The following ZNF808 variants were observed in gnomAD, a reference collection of about 807,000 sequenced individuals.
The protein encoded by ZNF808 is zinc finger protein 808.
A neutral mutation model predicts 8.7 loss-of-function variants in ZNF808; 5 were observed. The observed-to-expected ratio is 0.58, with a 90% CI of 0.30 to 1.21. The LOEUF (loss-of-function observed/expected upper bound fraction) is 1.21. Among genes scored for constraint, ZNF808 ranks in the 50% most tolerant of loss-of-function variants. The probability of loss-of-function intolerance (pLI) is 0.07; values close to 1 mark genes in which losing one functional copy is unlikely to be tolerated. For missense variants in ZNF808, 1,103 were observed against 1,098.4 expected, an observed-to-expected ratio of 1.00 and a Z score of -0.06; for synonymous variants, 380 against 366.0, an observed-to-expected ratio of 1.04 and a Z score of -0.44.
chr19:52,553,368 C>G lies in ZNF808; in HGVS notation c.452C>G (p.Pro151Arg), dbSNP rs891901668. 6.2e-7 allele frequency: 1 copy of G among 1,614,152 alleles called. No homozygotes were observed. Residue 151 changes from proline (P) to arginine (R), a missense_variant, in exon 5 of 5, where the codon CCT becomes CGT. By Grantham distance (103) the Pro-to-Arg change is moderately radical (BLOSUM62 -2). Transcript: ENST00000359798. ...GATCACAGGCATGCTGGAAACAAGC[C>G]TATTAAAGATCAGCTTGGATCAAGC... ...QHDHRHAGNK[P>R]IKDQLGSSFY...
chr19:52,553,922 A>G lies in ZNF808; in HGVS notation c.1006A>G (p.Ile336Val), dbSNP rs375999372. 79 of 1,613,936 alleles carry G rather than the reference A, an allele frequency of 4.9e-5. No homozygotes were observed. Among genetic ancestry groups the G allele is most frequent in the Non-Finnish European group, 6.4e-5 (76 of 1,180,004 alleles). Residue 336 changes from isoleucine (I) to valine (V), a missense_variant, in exon 5 of 5, where the codon ATT becomes GTT. Coordinates refer to ENST00000359798, the MANE Select transcript of ZNF808 (RefSeq NM_001039886.4). ...TTCAGCCCTTGTAATTCATAAGGCA[A>G]TTCATACTGGAGAGAAACCTTACAA... ...QNSALVIHKA[I>V]HTGEKPYKCN...
rs2059798713 is a variant in ZNF808, at chr19:52,553,484, G to C, written c.568G>C (p.Val190Leu). 3 of 1,614,088 alleles carry C rather than the reference G, an allele frequency of 1.9e-6. No homozygotes were observed. The highest frequency in any genetic ancestry group is 2.2e-5 in the South Asian group (2 of 91,084). ...LEKSTSDASS[V>L]STSQRISCRP... The stretch of plus-strand genomic sequence containing the variant: ...GAAGTCTACCAGTGATGCTTCCTCA[G>C]TTTCAACATCCCAAAGAATTTCCTG... The change falls in exon 5 of 5, where the codon GTT becomes CTT. Residue 190 changes from valine (V) to leucine (L), a missense_variant. Val to Leu is a conservative substitution (Grantham distance 32). Transcript: ENST00000359798.
At chr19:52,534,879 ACT>A (rs1175989235) in intron 2 of ZNF808, among the ~76,000 whole-genome samples, 4 of 152,240 alleles carry the variant, frequency 2.6e-5, no homozygotes, top group South Asian at 4.1e-4. Context: ...ACAGAGAAAT[ACT>A]CTGTCTCAAA....
exon 4 of ZNF808, chr19:52,564,372 G>C (rs1022893478): frequency 2.3e-5 from 11 of 476,752 alleles, no homozygotes; most frequent in Non-Finnish European, 4.1e-5. Context: ...AATCTGTTAT[G>C]AACGCATTGG....
At chr19:52,564,133 A>T (rs2059866658) in exon 4 of ZNF808, 6 of 693,568 alleles carry the variant, frequency 8.7e-6, no homozygotes, top group Non-Finnish European at 1.6e-5. Context: ...CCAAAAGTAA[A>T]ATCGTCCGAT....
rs533597385 is a variant in ZNF808 at position 52,554,420 on chromosome 19, C to T, written c.1504C>T (p.Arg502Cys). The T allele has an allele frequency of 2.5e-5, 41 of 1,613,962 alleles. No homozygotes were observed. Among genetic ancestry groups the T allele is most frequent in the South Asian group, 2.0e-4 (18 of 91,078 alleles). Reference sequence around the variant, plus strand: ...CCGCAGGTCATCCCTTCTATGCCATCGTAGACTTCATAGTGGTGAAAAACC... The same window carrying T: ...CCGCAGGTCATCCCTTCTATGCCATTGTAGACTTCATAGTGGTGAAAAACC... ...FSRRSSLLCH[R>C]RLHSGEKPYK... Residue 502 changes from arginine (R) to cysteine (C), a missense_variant, in exon 5 of 5, where the codon CGT becomes TGT. Physicochemically the swap from Arg to Cys is radical, Grantham distance 180. Transcript: ENST00000359798.
At chr19:52,548,428 T>G (rs2123161882) in intron 4 of ZNF808, among the ~76,000 whole-genome samples, 1 of 152,208 alleles carries the variant, frequency 6.6e-6, no homozygotes, top group South Asian at 2.1e-4. Context: ...ATTTCTATGT[T>G]GTTGTTGTTT....
Position 52,553,904 on chromosome 19 carries a change from CT to C in ZNF808, c.990del (p.Val331Ter). On this transcript the variant is annotated frameshift_variant, in exon 5 of 5. Transcript: ENST00000359798. LOFTEE classifies it low-confidence loss of function (END_TRUNC). ...CGKVFRQNSA[L>X]VIHKAIHTGE... ...CAAGGTCTTTCGTCAAAATTCAGCC[CT>C]TGTAATTCATAAGGCAATTCATACT... is the stretch of plus-strand genomic sequence containing the variant. The C allele has an allele frequency of 6.2e-7, 1 of 1,614,102 alleles. No homozygotes were observed. The highest frequency in any genetic ancestry group is 8.5e-7 in the Non-Finnish European group (1 of 1,180,028).
chr19:52,543,705 A>G (rs1246421179), intron 3 of ZNF808, among the ~76,000 whole-genome samples: 7 of 152,230 alleles, frequency 4.6e-5, no homozygotes, highest in East Asian at 3.8e-4. Flanking sequence ...CAGAGAAACT[A>G]CATATGAAAT....
chr19:52,531,949 T>C (rs1333576778), intron 1 of ZNF808, among the ~76,000 whole-genome samples: 2 of 152,220 alleles, frequency 1.3e-5, no homozygotes, highest in African/African-American at 4.8e-5. Context: ...TGTATTTCAG[T>C]CTTATAGTGT....
At chr19:52,561,746 C>T (rs554377834) in intron 3 of ZNF808, among the ~76,000 whole-genome samples, 2 of 152,138 alleles carry the variant, frequency 1.3e-5, no homozygotes, top group Admixed American at 6.5e-5. Context: ...GGTGTTTTTC[C>T]ATGTTAGTCA....
At position 52,555,067 on chromosome 19, in the gene ZNF808, T is replaced by G. The variant is rs1410280089; in HGVS notation, c.2151T>G (p.Ser717Arg). The G allele has an allele frequency of 1.2e-6, 2 of 1,614,108 alleles. No individual in the cohort carries two copies. The highest frequency in any genetic ancestry group is 2.2e-5 in the South Asian group (2 of 91,082). Residue 717 changes from serine to arginine, a missense_variant, in exon 5 of 5, where the codon AGT becomes AGG. Ser to Arg is a moderately radical substitution (Grantham distance 110, BLOSUM62 -1). Coordinates refer to ENST00000359798, the MANE Select transcript of ZNF808 (RefSeq NM_001039886.4). ...GTAATGAGTGCAGCAAGACCTTCAG[T>G]AACAGGTCATCCCTTGTATGCCATC... ...YKCNECSKTF[S>R]NRSSLVCHRR...
intron 4 of ZNF808, among the ~76,000 whole-genome samples, chr19:52,550,175 C>T (rs1186172927): frequency 5.9e-5 from 9 of 151,996 alleles, no homozygotes; most frequent in African/African-American, 1.9e-4. Context: ...TCCATGAACA[C>T]TGTGGGCCTC....
chr19:52,549,809 G>A (rs1346381187), intron 4 of ZNF808, among the ~76,000 whole-genome samples: 1 of 151,822 alleles, frequency 6.6e-6, no homozygotes, highest in African/African-American at 2.4e-5. Flanking sequence ...CAATTTCCCC[G>A]TGAGCCCCTC....
chr19:52,528,679 T>C (rs866556272), intron 1 of ZNF808, among the ~76,000 whole-genome samples: 1 of 150,762 alleles, frequency 6.6e-6, no homozygotes, highest in African/African-American at 2.4e-5. Context: ...CAGAGCAGAG[T>C]GGTGCTGGTG....
downstream of ZNF808, among the ~76,000 whole-genome samples, chr19:52,568,290 C>T (rs1383101582): frequency 3.3e-5 from 5 of 152,220 alleles, no homozygotes; most frequent in Non-Finnish European, 4.4e-5. Flanking sequence ...AGGAGAACTG[C>T]TTGAACCCAG....
At chr19:52,568,372 CCAAAACAAAA>C (rs71335658), downstream of ZNF808, among the ~76,000 whole-genome samples, 3 of 151,924 alleles carry the variant, frequency 2.0e-5, no homozygotes, top group Admixed American at 1.3e-4. Context: ...GGACGCCTTC[CCAAAACAAAA>C]CAAAACAAAA....
chr19:52,558,605 C>G (rs940012366), downstream of ZNF808, among the ~76,000 whole-genome samples: 9 of 152,004 alleles, frequency 5.9e-5, no homozygotes, highest in East Asian at 3.9e-4. Context: ...CTCCTGACCT[C>G]GTGATCCGCC....
intron 3 of ZNF808, among the ~76,000 whole-genome samples, chr19:52,546,859 G>GTC (rs1354100333): frequency 2.7e-5 from 4 of 150,698 alleles, no homozygotes; most frequent in Non-Finnish European, 5.9e-5. Flanking sequence ...GGCCAGGAAG[G>GTC]TCTTGATATC....
Sources: allele counts gnomAD v4.1 joint callset (sites outside exome capture counted in the v4.1 genomes callset), GRCh38; gene constraint gnomAD v4.1.1; transcripts MANE v1.5; gene names NCBI Gene and HGNC (gene_info 2026-07-23, HGNC 2026-07-21).